Variants in FMNL3 observed in about 807,000 individuals in gnomAD.
FMNL3 encodes the protein formin like 3.
Under a neutral mutation model 119.6 loss-of-function variants are expected in FMNL3, and 57 were observed. The ratio of observed to expected loss-of-function variants is 0.48; its 90% confidence interval spans 0.39 to 0.59. FMNL3 has a LOEUF of 0.59. Among genes scored for constraint, FMNL3 ranks in the 20% least tolerant of loss-of-function variants. The pLI, the probability that FMNL3 is intolerant of heterozygous loss-of-function variation, is 0.00. For missense variants in FMNL3, 1,053 were observed against 1,323.5 expected, an observed-to-expected ratio of 0.80 and a Z score of 3.17; for synonymous variants, 491 against 507.3, an observed-to-expected ratio of 0.97 and a Z score of 0.43.
At chr12:49,695,677 A>G (rs1376167948) in intron 1 of FMNL3, among the ~76,000 whole-genome samples, 2 of 152,226 alleles carry the variant, frequency 1.3e-5, no homozygotes, top group Non-Finnish European at 2.9e-5. Context: ...CCATTCCTAA[A>G]AGGATGAGAT....
intron 1 of FMNL3, among the ~76,000 whole-genome samples, chr12:49,669,953 A>G (rs2138875407): frequency 6.6e-6 from 1 of 152,390 alleles, no homozygotes; most frequent in South Asian, 2.1e-4. Context: ...CTTGAATCAA[A>G]TATGATCGCC....
At position 49,644,396 on chromosome 12, in the gene FMNL3, T is replaced by A. The variant is rs544813345; in HGVS notation, c.*1419A>T. Reference sequence around the variant, plus strand: ...CTACTCCCTGGACTAGTGCAGTCCTTGCCCTCAGCCCCAGACCAGAGATGG... The same window carrying A: ...CTACTCCCTGGACTAGTGCAGTCCTAGCCCTCAGCCCCAGACCAGAGATGG... On this transcript the variant is annotated 3_prime_UTR_variant, in exon 26 of 26. Coordinates refer to ENST00000335154, the MANE Select transcript of FMNL3 (RefSeq NM_175736.5). 1 of 605,314 alleles carries A rather than the reference T, an allele frequency of 1.7e-6. No homozygotes were observed. The highest frequency in any genetic ancestry group is 1.8e-5 in the African/African-American group (1 of 54,256). 37.5% of individuals were successfully genotyped at this position (605,314 alleles called of 1,614,324 possible). A position where few individuals can be genotyped will look rare whatever the true frequency, so the allele number is the denominator to read the frequency against.
At chr12:49,653,131 T>C in intron 13 of FMNL3, 95 bp downstream of exon 13, 6 of 1,138,086 alleles carry the variant, frequency 5.3e-6, no homozygotes, top group Non-Finnish European at 7.9e-6. Context: ...ATCTAAATCC[T>C]AGAGAACTTG....
intron 9 of FMNL3, 59 bp from the exon 10 acceptor site, chr12:49,655,043 C>T (rs1401528147): frequency 1.5e-5 from 22 of 1,503,368 alleles, no homozygotes; most frequent in Non-Finnish European, 1.7e-5. Context: ...CAAGCCCCTG[C>T]GCTCTGGCTC....
chr12:49,652,823 C>G (rs1200316140), intron 13 of FMNL3, among the ~76,000 whole-genome samples: 1 of 152,322 alleles, frequency 6.6e-6, no homozygotes, highest in Non-Finnish European at 1.5e-5. Context: ...AGTACCTGCC[C>G]TGCCAATTTA....
chr12:49,649,912 T>C lies in FMNL3; in HGVS notation c.2014A>G (p.Thr672Ala). Residue 672 changes from threonine (T) to alanine (A), a missense_variant, in exon 18 of 26, where the codon ACA (threonine) becomes GCA (alanine). Transcript: ENST00000335154. The surrounding 1 kb of genome is among the most constrained non-coding windows in gnomAD (Gnocchi z 5.6). Reference protein sequence around the residue: ...CRAIHTFDLQTLPVDFVECLM... With the variant: ...CRAIHTFDLQALPVDFVECLM... ...CACTCCACGAAGTCCACAGGTAGTG[T>C]CTGCAAGTCAAACCTGTGGAGGAGG... 1.2e-6 allele frequency: 2 copies of C among 1,613,722 alleles called. No homozygotes were observed. Among genetic ancestry groups the C allele is most frequent in the African/African-American group, 1.3e-5 (1 of 75,032 alleles).
chr12:49,680,817 C>T (rs1436597267), intron 1 of FMNL3, among the ~76,000 whole-genome samples: 1 of 152,192 alleles, frequency 6.6e-6, no homozygotes, highest in East Asian at 1.9e-4. Context: ...TTCTCAATAA[C>T]CACTGAGGGA....
chr12:49,642,365 G>A lies in FMNL3; in HGVS notation c.*3450C>T. On this transcript the variant is annotated 3_prime_UTR_variant, in exon 26 of 26. Transcript: ENST00000335154. The surrounding 1 kb of genome is among the most constrained non-coding windows in gnomAD (Gnocchi z 5.8). ...CCTGCTCTGGAGCTAGGCACTGCCT[G>A]GGAAGAGGTCAGGAGCGTAGCCTGG... The A allele has an allele frequency of 6.2e-7, 1 of 1,613,764 alleles. No homozygotes were observed. Among genetic ancestry groups the A allele is most frequent in the Non-Finnish European group, 8.5e-7 (1 of 1,180,016 alleles).
In FMNL3 at chr12:49,642,986, G is replaced by A. The variant is rs758453530; in HGVS notation, c.*2829C>T. 23 of 1,613,784 alleles carry A rather than the reference G, an allele frequency of 1.4e-5. No homozygotes were observed. The highest frequency in any genetic ancestry group is 1.9e-5 in the Non-Finnish European group (22 of 1,179,906). On this transcript the variant is annotated 3_prime_UTR_variant, in exon 26 of 26. Coordinates refer to ENST00000335154, the MANE Select transcript of FMNL3 (RefSeq NM_175736.5). This position sits in a 1 kb window ranked among gnomAD's most constrained non-coding sequence, Gnocchi z 5.8. ...GAAAGCATGGCAGGAAAGGCAAGAA[G>A]CACCATCACAAGCGTTCCCACTCAC...
At position 49,662,888 on chromosome 12, in the gene FMNL3, T is replaced by C. The variant is rs527849378; in HGVS notation, c.369-839A>G. 2.0e-5 allele frequency among the ~76,000 whole-genome samples: 3 copies of C among 152,310 alleles called. No homozygotes were observed. In the South Asian group the frequency reaches 6.2e-4, roughly 32 times the overall value. Reference sequence around the variant, plus strand: ...ACAGGTTCATTCCATAGCAGAAACATAAAACGCTCAGGATGAAACCCTAAT... The same window carrying C: ...ACAGGTTCATTCCATAGCAGAAACACAAAACGCTCAGGATGAAACCCTAAT... On this transcript the variant is annotated intron_variant, in intron 4 of 25. Coordinates refer to ENST00000335154, the MANE Select transcript of FMNL3 (RefSeq NM_175736.5).
intron 12 of FMNL3, 91 bp downstream of exon 12, chr12:49,653,634 T>A: frequency 6.4e-7 from 1 of 1,560,458 alleles, no homozygotes. Context: ...TCCCTGGGAC[T>A]CAATCTGGAG....
Position 49,636,956 on chromosome 12 carries a change from C to T in FMNL3, c.*8859G>A. 6.6e-7 allele frequency: 1 copy of T among 1,525,114 alleles called. No individual in the cohort carries two copies. The highest frequency in any genetic ancestry group is 8.9e-7 in the Non-Finnish European group (1 of 1,124,966). 94.5% of individuals were successfully genotyped at this position (1,525,114 alleles called of 1,614,324 possible). A position where few individuals can be genotyped will look rare whatever the true frequency, so the allele number is the denominator to read the frequency against. On this transcript the variant is annotated 3_prime_UTR_variant, in exon 26 of 26. Transcript: ENST00000335154. ...GATACGCTGCCTGTTCTTTCTGTGC[C>T]TAGCCCTGTCCAAGCTCTATGAGAC...
At position 49,641,720 on chromosome 12, in the gene FMNL3, G is replaced by A. The variant is rs1433145808; in HGVS notation, c.*4095C>T. On this transcript the variant is annotated 3_prime_UTR_variant, in exon 26 of 26. Transcript: ENST00000335154. ...GCTCTGTGTGACATCCAAACCAAGG[G>A]TAGGCATGGGGGCTTAATTGTCAAG... is the stretch of plus-strand genomic sequence containing the variant. 4 of 588,378 alleles carry A rather than the reference G, an allele frequency of 6.8e-6. No homozygotes were observed. In the East Asian group the frequency reaches 8.4e-5, roughly 12 times the overall value. 36.4% of individuals were successfully genotyped at this position (588,378 alleles called of 1,614,324 possible).
In FMNL3 at chr12:49,644,512, G is replaced by A; in HGVS notation, c.*1303C>T. 1 of 364,112 alleles carries A rather than the reference G, an allele frequency of 2.7e-6. No homozygotes were observed. Among genetic ancestry groups the A allele is most frequent in the Non-Finnish European group, 5.3e-6 (1 of 189,644 alleles). The allele number at this position is 364,112 out of a possible 1,614,324, so 22.6% of individuals were successfully genotyped here. On this transcript the variant is annotated 3_prime_UTR_variant, in exon 26 of 26. Transcript: ENST00000335154. The stretch of plus-strand genomic sequence containing the variant: ...GAAGAGTCACAGGCTGTTGGACGCA[G>A]CCTGGGTGGCAGAGGGCAGGGTCAT...
Position 49,650,887 on chromosome 12 carries a change from A to T in FMNL3, c.1798-9T>A. Reference sequence around the variant, plus strand: ...TTATCAAGATCCAGGTCCTGGCAGGAATAGGTGAGCAAGGAAAACGCTGTA... The same window carrying T: ...TTATCAAGATCCAGGTCCTGGCAGGTATAGGTGAGCAAGGAAAACGCTGTA... On this transcript the variant is annotated splice_polypyrimidine_tract_variant and intron_variant, in intron 16 of 25. Transcript: ENST00000335154. 1 of 1,614,038 alleles carries T rather than the reference A, an allele frequency of 6.2e-7. No homozygotes were observed.
At chr12:49,691,970 G>A (rs1944617347) in intron 1 of FMNL3, among the ~76,000 whole-genome samples, 1 of 149,216 alleles carries the variant, frequency 6.7e-6, no homozygotes, top group South Asian at 2.1e-4. Context: ...GGGAGGTGGA[G>A]GTTGCAGTGA....
chr12:49,647,207 C>T lies in FMNL3; in HGVS notation c.2871+69G>A. 1 of 1,592,376 alleles carries T rather than the reference C, an allele frequency of 6.3e-7. No individual in the cohort carries two copies. The highest frequency in any genetic ancestry group is 8.6e-7 in the Non-Finnish European group (1 of 1,161,628). On this transcript the variant is annotated intron_variant, in intron 24 of 25. Transcript: ENST00000335154. The surrounding 1 kb of genome is among the most constrained non-coding windows in gnomAD (Gnocchi z 4.9). ...CACTCCAAGTTTTCATCTCCTCTAG[C>T]CTTCTGACCCCCAGCCCCCACTCTT...
chr12:49,687,118 G>A (rs1376728913), intron 1 of FMNL3, among the ~76,000 whole-genome samples: 42 of 141,810 alleles, frequency 3.0e-4, no homozygotes, highest in South Asian at 2.2e-4. Context: ...TTTTTGAGAC[G>A]GAGTCTCATT....
At chr12:49,650,267 C>T (rs948657682) in intron 17 of FMNL3, among the ~76,000 whole-genome samples, 3 of 152,180 alleles carry the variant, frequency 2.0e-5, no homozygotes, top group African/African-American at 7.2e-5. Flanking sequence ...ATTTTTAGTA[C>T]CCAAGGCACT....
Sources: gnomAD v4.1 joint callset for allele counts (sites outside exome capture counted in the v4.1 genomes callset) on GRCh38, gnomAD v4.1.1 for gene constraint, Gnocchi (gnomAD v3.1) non-coding constraint, MANE v1.5 for transcripts, NCBI Gene and HGNC (gene_info 2026-07-23, HGNC 2026-07-21) for gene names.